The following KDM2A variants were observed in gnomAD, a reference collection of about 807,000 sequenced individuals.
KDM2A encodes the protein lysine demethylase 2A.
KDM2A carries 3 observed loss-of-function variants against 137.3 expected under a neutral mutation model. That is an observed-to-expected ratio of 0.02 (90% confidence interval 0.01 to 0.06). KDM2A has a LOEUF of 0.06. Ranked by LOEUF, KDM2A falls within the 10% of genes least tolerant of loss-of-function variation. KDM2A has a pLI of 1.00. For synonymous variants in KDM2A, 512 were observed against 541.5 expected (o/e 0.95, Z 0.76); for missense variants, 738 against 1,510.6 (o/e 0.49, Z 8.48).
intron 12 of KDM2A, among the ~76,000 whole-genome samples, chr11:67,242,748 C>T (rs1224076549): frequency 6.6e-6 from 1 of 152,190 alleles, no homozygotes; most frequent in South Asian, 2.1e-4. Context: ...AAGTGATCCT[C>T]CCACCTCTCA....
chr11:67,249,987 C>T (rs1300863010), intron 16 of KDM2A, 99 bp from the exon 17 acceptor site: 10 of 994,878 alleles, frequency 1.0e-5, no homozygotes, highest in African/African-American at 1.6e-5. Flanking sequence ...GACCTTTCTT[C>T]TCTCTGGTCC....
rs567192430 is a variant in KDM2A, at chr11:67,228,812, C to T, written c.1084+649C>T. Reference sequence around the variant, plus strand: ...ATTGCAGTGGCGTGATCATAGCTCACTGTAACCTCAAACTCCTGGGCTCAA... The same window carrying T: ...ATTGCAGTGGCGTGATCATAGCTCATTGTAACCTCAAACTCCTGGGCTCAA... On this transcript the variant is annotated intron_variant, in intron 11 of 20. Coordinates refer to ENST00000529006, the MANE Select transcript of KDM2A (RefSeq NM_012308.3). 3.3e-5 allele frequency among the ~76,000 whole-genome samples: 5 copies of T among 152,224 alleles called. No homozygotes were observed. In the South Asian group the frequency reaches 1.0e-3, roughly 32 times the overall value.
At chr11:67,247,072 T>TATATAA (rs1491570916) in intron 15 of KDM2A, among the ~76,000 whole-genome samples, 58 of 18,342 alleles carry the variant, frequency 3.2e-3, no homozygotes, top group Non-Finnish European at 4.4e-3. Flanking sequence ...TATATATATA[T>TATATAA]TTTTTTTTTT....
rs544335560 is a variant in KDM2A at position 67,200,603 on chromosome 11, C to T, written c.308-6907C>T. Reference sequence around the variant, plus strand: ...CATGGCTCACTGCAGGCTCAGTGTCCCTGGGCTCAGGTGATCCTTCCACCT... The same window carrying T: ...CATGGCTCACTGCAGGCTCAGTGTCTCTGGGCTCAGGTGATCCTTCCACCT... On this transcript the variant is annotated intron_variant, in intron 5 of 20. Transcript: ENST00000529006. Among the ~76,000 whole-genome samples, 42 of 152,024 alleles carry T rather than the reference C, an allele frequency of 2.8e-4. 1 individual carries two copies. Among genetic ancestry groups the T allele is most frequent in the African/African-American group, 9.4e-4 (39 of 41,466 alleles).
chr11:67,232,717 A>T (rs561448435), intron 12 of KDM2A, among the ~76,000 whole-genome samples: 231 of 147,974 alleles, frequency 1.6e-3, no homozygotes, highest in Admixed American at 3.9e-3. Flanking sequence ...TTAATTAATT[A>T]ATTTATTTGA....
intron 12 of KDM2A, among the ~76,000 whole-genome samples, chr11:67,236,251 C>T (rs1319436414): frequency 1.3e-5 from 2 of 152,154 alleles, no homozygotes; most frequent in Admixed American, 1.3e-4. Flanking sequence ...CTGCCTCAGC[C>T]TCCTGAGTAG....
At chr11:67,208,365 G>A (rs1857877266) in intron 6 of KDM2A, among the ~76,000 whole-genome samples, 1 of 151,760 alleles carries the variant, frequency 6.6e-6, no homozygotes, top group South Asian at 2.1e-4. Context: ...GAGCCACCGT[G>A]CCTGGGCGTG....
intron 2 of KDM2A, among the ~76,000 whole-genome samples, chr11:67,125,524 C>A (rs1003502064): frequency 6.6e-6 from 1 of 151,942 alleles, no homozygotes; most frequent in Middle Eastern, 3.2e-3. Context: ...GAAATCCCAT[C>A]ACTTTGGGAG....
At chr11:67,212,455 A>G (rs942203338) in intron 6 of KDM2A, among the ~76,000 whole-genome samples, 2 of 152,156 alleles carry the variant, frequency 1.3e-5, no homozygotes, top group Admixed American at 6.5e-5. Context: ...TTAAAATGGC[A>G]CAAATAATAC....
intron 2 of KDM2A, among the ~76,000 whole-genome samples, chr11:67,153,169 G>A (rs1856434547): frequency 6.6e-6 from 1 of 152,108 alleles, no homozygotes; most frequent in South Asian, 2.1e-4. Flanking sequence ...ATTTTTAATA[G>A]AGGCAGGGTT....
Position 67,231,552 on chromosome 11 carries a change from C to T in KDM2A, c.1085-14C>T, listed in dbSNP as rs1378930362. 6.4e-7 allele frequency: 1 copy of T among 1,562,696 alleles called. No homozygotes were observed. Among genetic ancestry groups the T allele is most frequent in the African/African-American group, 1.4e-5 (1 of 73,278 alleles). Reference sequence around the variant, plus strand: ...GTGAAATGTTCTTACTGCATTTTTTCTTCATATTGGTAGATTTGGAGTTAA... The same window carrying T: ...GTGAAATGTTCTTACTGCATTTTTTTTTCATATTGGTAGATTTGGAGTTAA... On this transcript the variant is annotated splice_polypyrimidine_tract_variant and intron_variant, in intron 11 of 20. Coordinates refer to ENST00000529006, the MANE Select transcript of KDM2A (RefSeq NM_012308.3).
intron 18 of KDM2A, 101 bp downstream of exon 18, chr11:67,252,958 T>C (rs1352068162): frequency 7.8e-7 from 1 of 1,275,044 alleles, no homozygotes; most frequent in East Asian, 2.4e-5. Flanking sequence ...TGGAGGGCAG[T>C]GTAGGGCAGC....
At chr11:67,123,250 A>C (rs1206987837) in intron 2 of KDM2A, among the ~76,000 whole-genome samples, 1 of 146,624 alleles carries the variant, frequency 6.8e-6, no homozygotes, top group African/African-American at 2.6e-5. Flanking sequence ...TGCTGGGATT[A>C]ACAAGCGTGA....
chr11:67,167,395 C>T (rs1465215025), intron 2 of KDM2A, among the ~76,000 whole-genome samples: 1 of 152,214 alleles, frequency 6.6e-6, no homozygotes, highest in Non-Finnish European at 1.5e-5. Context: ...AGATCTAGCA[C>T]TTTTAACTCA....
At chr11:67,252,945 C>T in intron 18 of KDM2A, 88 bp downstream of exon 18, 1 of 1,382,452 alleles carries the variant, frequency 7.2e-7, no homozygotes, top group Non-Finnish European at 9.8e-7. Context: ...TTCTTAGCAT[C>T]ACTGGAGGGC....
At chr11:67,189,838 C>T (rs185726413) in intron 5 of KDM2A, among the ~76,000 whole-genome samples, 2 of 151,948 alleles carry the variant, frequency 1.3e-5, no homozygotes, top group East Asian at 1.9e-4. Flanking sequence ...GACTCTGTGT[C>T]AAAAAACAAA....
chr11:67,126,246 CAA>C (rs112684494), intron 2 of KDM2A, among the ~76,000 whole-genome samples: 11 of 76,816 alleles, frequency 1.4e-4, no homozygotes, highest in African/African-American at 1.5e-4. Context: ...AACTCCGTCT[CAA>C]AAAAAAAAAA....
chr11:67,165,915 TATA>T (rs1856731928), intron 2 of KDM2A, among the ~76,000 whole-genome samples: 1 of 152,172 alleles, frequency 6.6e-6, no homozygotes, highest in Non-Finnish European at 1.5e-5. Flanking sequence ...TTCTTATTTG[TATA>T]ATACTTTCAT....
intron 5 of KDM2A, among the ~76,000 whole-genome samples, chr11:67,191,769 C>G (rs1240319013): frequency 1.3e-5 from 2 of 152,124 alleles, no homozygotes; most frequent in Admixed American, 6.6e-5. Flanking sequence ...CATTTAAGAT[C>G]AGGAACAGCG....
Sources: gnomAD v4.1 joint callset for allele counts (sites outside exome capture counted in the v4.1 genomes callset) on GRCh38, gnomAD v4.1.1 for gene constraint, MANE v1.5 for transcripts, NCBI Gene and HGNC (gene_info 2026-07-23, HGNC 2026-07-21) for gene names.